L2HGDH: variants seen among roughly 807,000 people sequenced by gnomAD.
The protein encoded by L2HGDH is L-2-hydroxyglutarate dehydrogenase, mitochondrial.
Under a neutral mutation model 51.5 loss-of-function variants are expected in L2HGDH, and 34 were observed. The ratio of observed to expected loss-of-function variants is 0.66; its 90% CI spans 0.50 to 0.88. The LOEUF (loss-of-function observed/expected upper bound fraction) is 0.88. Ranked by LOEUF, L2HGDH falls within the 40% of genes least tolerant of loss-of-function variation. The probability of loss-of-function intolerance (pLI) is 0.00; values close to 1 mark genes in which losing one functional copy is unlikely to be tolerated. For synonymous variants in L2HGDH, 198 were observed against 197.9 expected (o/e 1.00, Z -0.01); for missense variants, 558 against 571.9 (o/e 0.98, Z 0.25).
At chr14:50,287,702 T>C (rs1890640531) in intron 4 of L2HGDH, among the ~76,000 whole-genome samples, 2 of 137,292 alleles carry the variant, frequency 1.5e-5, no homozygotes, top group Admixed American at 7.2e-5. Flanking sequence ...TTTTTTTTTT[T>C]TTTTTTTTTT....
chr14:50,269,214 G>A lies in L2HGDH; in HGVS notation c.855C>T (p.Tyr285=), dbSNP rs768915924. 9 of 1,613,884 alleles carry A rather than the reference G, an allele frequency of 5.6e-6. No individual in the cohort carries two copies. The highest frequency in any genetic ancestry group is 6.8e-6 in the Non-Finnish European group (8 of 1,179,930). Residue 285 remains tyrosine, a synonymous_variant, in exon 7 of 10, where the codon TAC becomes TAT. Transcript: ENST00000267436. ...DPRIVPFRGD[Y]LLLKPEKCYL... ...AACATTTTTCTGGCTTCAAAAGCAG[G>A]TAATCTCCCCGGAATGGTACAATTC...
At chr14:50,308,883 G>A (rs548765119) in intron 1 of L2HGDH, among the ~76,000 whole-genome samples, 42 of 152,206 alleles carry the variant, frequency 2.8e-4, no homozygotes, top group Middle Eastern at 6.8e-3. Flanking sequence ...CATGGTAAAC[G>A]GTTAAACAAA....
At chr14:50,265,893 G>A (rs969335971) in intron 8 of L2HGDH, among the ~76,000 whole-genome samples, 2 of 152,066 alleles carry the variant, frequency 1.3e-5, no homozygotes, top group Admixed American at 6.5e-5. Flanking sequence ...CAGCCTGGGC[G>A]ACAGAGAGAG....
At chr14:50,255,395 G>T (rs1888600117) in intron 9 of L2HGDH, among the ~76,000 whole-genome samples, 1 of 151,762 alleles carries the variant, frequency 6.6e-6, no homozygotes, top group Non-Finnish European at 1.5e-5. Flanking sequence ...ATTAGCTGGG[G>T]CGTGGTGGCA....
intron 4 of L2HGDH, among the ~76,000 whole-genome samples, chr14:50,288,069 G>A (rs1890661558): frequency 6.6e-6 from 1 of 151,768 alleles, no homozygotes; most frequent in Admixed American, 6.6e-5. Flanking sequence ...ATCAAATCAG[G>A]GTAATTAGTA....
intron 9 of L2HGDH, among the ~76,000 whole-genome samples, chr14:50,253,052 A>C (rs1053316272): frequency 2.0e-5 from 3 of 152,158 alleles, no homozygotes; most frequent in African/African-American, 7.2e-5. Context: ...CAAGTCTTAA[A>C]ACATTCAAAA....
intron 5 of L2HGDH, among the ~76,000 whole-genome samples, chr14:50,281,328 C>T (rs1890259786): frequency 1.3e-5 from 2 of 152,138 alleles, no homozygotes; most frequent in South Asian, 2.1e-4. Flanking sequence ...TGCAGTAGCT[C>T]GCTCCTGTAA....
At position 50,245,475 on chromosome 14, in the gene L2HGDH, C is replaced by G; in HGVS notation, c.*1583G>C. 2.0e-6 allele frequency: 2 copies of G among 983,614 alleles called. No individual in the cohort carries two copies. The highest frequency in any genetic ancestry group is 2.4e-6 in the Non-Finnish European group (2 of 828,400). 60.9% of individuals were successfully genotyped at this position (983,614 alleles called of 1,614,324 possible). A position where few individuals can be genotyped will look rare whatever the true frequency, so the allele number is the denominator to read the frequency against. On this transcript the variant is annotated 3_prime_UTR_variant, in exon 10 of 10. Coordinates refer to ENST00000267436, the MANE Select transcript of L2HGDH (RefSeq NM_024884.3). Reference sequence around the variant, plus strand: ...ACAAAGAGACTGGAAATAATAAAGGCTTTGAGTTTGTTTTGTTATTTCCTA... The same window carrying G: ...ACAAAGAGACTGGAAATAATAAAGGGTTTGAGTTTGTTTTGTTATTTCCTA...
In L2HGDH at chr14:50,312,210, G is replaced by C. The variant is rs568178074; in HGVS notation, c.-60C>G. The C allele has an allele frequency of 1.9e-5, 31 of 1,590,786 alleles. No individual in the cohort carries two copies. Among genetic ancestry groups the C allele is most frequent in the Non-Finnish European group, 2.5e-5 (29 of 1,172,558 alleles). On this transcript the variant is annotated 5_prime_UTR_variant, in exon 1 of 10. Transcript: ENST00000267436. ...AGAAGCCACTTGACCCTCCACGGCCGAGGACCCGCGCTCTTTAGCCCCGCC... is the reference window on the plus strand; with the variant it reads ...AGAAGCCACTTGACCCTCCACGGCCCAGGACCCGCGCTCTTTAGCCCCGCC...
chr14:50,267,150 TTTATTTA>T (rs1889386501), intron 8 of L2HGDH, among the ~76,000 whole-genome samples: 1 of 32,358 alleles, frequency 3.1e-5, no homozygotes, highest in Non-Finnish European at 7.4e-5. Flanking sequence ...TTTATTTTTA[TTTATTTA>T]TTTATTTATT....
chr14:50,284,870 T>C (rs982864438), intron 4 of L2HGDH, among the ~76,000 whole-genome samples: 1 of 152,222 alleles, frequency 6.6e-6, no homozygotes, highest in East Asian at 1.9e-4. Context: ...TAATATCTGA[T>C]ATAATACTAT....
intron 9 of L2HGDH, among the ~76,000 whole-genome samples, chr14:50,256,081 G>T (rs1003216080): frequency 6.6e-6 from 1 of 152,088 alleles, no homozygotes; most frequent in Non-Finnish European, 1.5e-5. Context: ...GAGAAGTCTT[G>T]TATTACATTA....
chr14:50,278,676 T>C (rs1425692421), intron 5 of L2HGDH, 122 bp from the exon 6 acceptor site: 3 of 617,766 alleles, frequency 4.9e-6, no homozygotes, highest in African/African-American at 3.7e-5. Flanking sequence ...CACCTTACAG[T>C]TCATTCTGAA....
intron 5 of L2HGDH, among the ~76,000 whole-genome samples, chr14:50,279,096 A>T (rs1890122164): frequency 6.6e-6 from 1 of 152,268 alleles, no homozygotes; most frequent in South Asian, 2.1e-4. Flanking sequence ...AGATAAATAC[A>T]ATCTACTTGT....
intron 5 of L2HGDH, among the ~76,000 whole-genome samples, chr14:50,279,453 T>C (rs1890139290): frequency 6.6e-6 from 1 of 152,142 alleles, no homozygotes; most frequent in Non-Finnish European, 1.5e-5. Flanking sequence ...ATTCTGACAT[T>C]CTAAAACTTG....
In L2HGDH at chr14:50,278,523, T is replaced by C. The variant is rs775014877; in HGVS notation, c.735A>G (p.Thr245=). The stretch of plus-strand genomic sequence containing the variant: ...AGTTTTGCTTAAGAATCTTTACCTT[T>C]GTATTCTTTATAACAATTGGATATT... ...GMQYPIVIKN[T]KGEEIRCQYV... is the part of the protein sequence containing the mutation. The change falls in exon 6 of 10, where the codon ACA becomes ACG. Residue 245 remains threonine, a synonymous_variant. Transcript: ENST00000267436. 12 of 1,503,052 alleles carry C rather than the reference T, an allele frequency of 8.0e-6. No homozygotes were observed. The highest frequency in any genetic ancestry group is 1.1e-5 in the Non-Finnish European group (12 of 1,085,958). 93.1% of individuals were successfully genotyped at this position (1,503,052 alleles called of 1,614,324 possible).
intron 2 of L2HGDH, 81 bp downstream of exon 2, chr14:50,302,821 A>G (rs1247909650): frequency 1.1e-6 from 1 of 945,430 alleles, no homozygotes; most frequent in Non-Finnish European, 1.7e-6. Flanking sequence ...TAACACTGAC[A>G]TTCAGCATGA....
In L2HGDH at chr14:50,312,222, T is replaced by C. The variant is rs1261669449; in HGVS notation, c.-72A>G. ...ACCCTCCACGGCCGAGGACCCGCGCTCTTTAGCCCCGCCCCTCACGCGGGG... is the reference window on the plus strand; with the variant it reads ...ACCCTCCACGGCCGAGGACCCGCGCCCTTTAGCCCCGCCCCTCACGCGGGG... On this transcript the variant is annotated 5_prime_UTR_variant, in exon 1 of 10. Coordinates refer to ENST00000267436, the MANE Select transcript of L2HGDH (RefSeq NM_024884.3). 2.5e-6 allele frequency: 4 copies of C among 1,577,190 alleles called. No homozygotes were observed. The East Asian group carries it at 6.9e-5, about 27-fold the overall frequency.
At chr14:50,308,616 T>C (rs1352815228) in intron 1 of L2HGDH, among the ~76,000 whole-genome samples, 3 of 152,080 alleles carry the variant, frequency 2.0e-5, no homozygotes, top group African/African-American at 7.2e-5. Flanking sequence ...CAAATGCTGG[T>C]GAGAATGAAG....
Sources: gnomAD v4.1 joint callset for allele counts (sites outside exome capture counted in the v4.1 genomes callset) on GRCh38, gnomAD v4.1.1 for gene constraint, MANE v1.5 for transcripts, NCBI Gene and HGNC (gene_info 2026-07-23, HGNC 2026-07-21) for gene names.